The following IL1RAPL2 variants were observed in gnomAD, a reference collection of about 807,000 sequenced individuals.
IL1RAPL2 encodes interleukin 1 receptor accessory protein like 2.
IL1RAPL2 carries 3 observed loss-of-function variants against 44.1 expected under a neutral mutation model. The ratio of observed to expected loss-of-function variants is 0.07; its 90% CI spans 0.03 to 0.18. The LOEUF is 0.18. Among genes scored for constraint, IL1RAPL2 ranks in the 10% least tolerant of loss-of-function variants. The pLI, the probability that IL1RAPL2 is intolerant of heterozygous loss-of-function variation, is 1.00. For missense variants in IL1RAPL2, 391 were observed against 496.4 expected, an observed-to-expected ratio of 0.79 and a Z score of 2.02; for synonymous variants, 181 against 178.8, an observed-to-expected ratio of 1.01 and a Z score of -0.10.
chrX:104,847,262 C>T (rs1262196099), intron 2 of IL1RAPL2, among the ~76,000 whole-genome samples: 1 of 111,783 alleles, frequency 8.9e-6, no homozygotes, highest in East Asian at 2.8e-4. Context: ...TCATGAAGTC[C>T]TTGCCCATGC....
chrX:105,750,650 T>G (rs2038589739), intron 9 of IL1RAPL2, among the ~76,000 whole-genome samples: 1 of 107,497 alleles, frequency 9.3e-6, no homozygotes, highest in Non-Finnish European at 1.9e-5. Flanking sequence ...ATTTGCTCAT[T>G]TTCAAATCTA....
chrX:105,701,460 A>AT (rs1227848745), intron 6 of IL1RAPL2, among the ~76,000 whole-genome samples: 1 of 111,547 alleles, frequency 9.0e-6, no homozygotes, highest in Non-Finnish European at 1.9e-5. Context: ...ATATTGCGAC[A>AT]TTGAATTCCT....
rs1301603784 is a variant in IL1RAPL2 at position 104,984,978 on chromosome X, T to C, written c.83-210497T>C. On this transcript the variant is annotated intron_variant, in intron 2 of 10. Transcript: ENST00000372582. Reference sequence around the variant, plus strand: ...CATGGTATTAAAAAGCAAATTCACTTAGCTGTTCTTCCTTTATGTTTATAA... The same window carrying C: ...CATGGTATTAAAAAGCAAATTCACTCAGCTGTTCTTCCTTTATGTTTATAA... 4.4e-5 allele frequency among the ~76,000 whole-genome samples: 5 copies of C among 112,585 alleles called. No homozygotes were observed. The East Asian group carries it at 1.4e-3, about 32-fold the overall frequency.
chrX:105,479,697 C>A (rs1390706756), intron 5 of IL1RAPL2, among the ~76,000 whole-genome samples: 1 of 109,057 alleles, frequency 9.2e-6, no homozygotes, highest in South Asian at 4.0e-4. Flanking sequence ...TGAGATTCTG[C>A]CATTGCACTC....
At chrX:105,080,490 G>A (rs1222464100) in intron 2 of IL1RAPL2, among the ~76,000 whole-genome samples, 1 of 111,906 alleles carries the variant, frequency 8.9e-6, no homozygotes, top group Non-Finnish European at 1.9e-5. Context: ...TTTCCCCATT[G>A]CTTGTTTTTG....
rs150336135 is a variant in IL1RAPL2 at position 105,276,459 on chromosome X, G to A, written c.697+8918G>A. Among the ~76,000 whole-genome samples, 895 of 112,101 alleles carry A rather than the reference G, an allele frequency of 8.0e-3. 9 individuals are homozygous for A. The highest frequency in any genetic ancestry group is 0.027 in the African/African-American group (845 of 30,874). On this transcript the variant is annotated intron_variant, in intron 5 of 10. Coordinates refer to ENST00000372582, the MANE Select transcript of IL1RAPL2 (RefSeq NM_017416.2). ...TCAAATGCTTCCAGCAGCCAGGCAG[G>A]TCATGTCCACAGTGTGAGGTGGACC...
chrX:104,849,993 G>T (rs1386472090), intron 2 of IL1RAPL2, among the ~76,000 whole-genome samples: 2 of 110,634 alleles, frequency 1.8e-5, no homozygotes, highest in Non-Finnish European at 1.9e-5. Flanking sequence ...ATACACAAAA[G>T]ATCCTATAGG....
At chrX:105,013,178 G>A (rs965134198) in intron 2 of IL1RAPL2, among the ~76,000 whole-genome samples, 12 of 111,067 alleles carry the variant, frequency 1.1e-4, no homozygotes, top group African/African-American at 2.9e-4. Flanking sequence ...AGAGAAGAGA[G>A]TATATGTGTG....
chrX:104,780,623 G>A (rs1932765881), intron 2 of IL1RAPL2, among the ~76,000 whole-genome samples: 1 of 111,691 alleles, frequency 9.0e-6, no homozygotes, highest in Admixed American at 9.6e-5. Context: ...TTTCTATAGA[G>A]CATTGGAAAT....
chrX:105,335,772 G>A, intron 5 of IL1RAPL2, among the ~76,000 whole-genome samples: 1 of 111,279 alleles, frequency 9.0e-6, no homozygotes, highest in Non-Finnish European at 1.9e-5. Context: ...GTAGATGGTG[G>A]TGAAAGGGCT....
chrX:105,693,488 T>G (rs2038052594), intron 6 of IL1RAPL2, among the ~76,000 whole-genome samples: 1 of 112,162 alleles, frequency 8.9e-6, no homozygotes, highest in Non-Finnish European at 1.9e-5. Flanking sequence ...GCCTGTTCCC[T>G]CTTCATCTTC....
chrX:105,486,982 C>T (rs1467724647), intron 6 of IL1RAPL2, among the ~76,000 whole-genome samples: 1 of 106,755 alleles, frequency 9.4e-6, no homozygotes, highest in Non-Finnish European at 1.9e-5. Context: ...TTCCCAGCTA[C>T]TCGGGAGGCT....
chrX:104,743,109 G>T (rs2147579019), intron 2 of IL1RAPL2, among the ~76,000 whole-genome samples: 2 of 110,891 alleles, frequency 1.8e-5, no homozygotes, highest in South Asian at 3.8e-4. Context: ...AGCAGTAGCT[G>T]GTATGCTTCA....
chrX:105,041,772 A>T (rs775954719), intron 2 of IL1RAPL2, among the ~76,000 whole-genome samples: 1 of 109,315 alleles, frequency 9.1e-6, no homozygotes, highest in South Asian at 4.0e-4. Flanking sequence ...TCGCCAAGTC[A>T]ATCCTAAGCC....
At chrX:104,732,211 T>G (rs1931933797) in intron 2 of IL1RAPL2, among the ~76,000 whole-genome samples, 2 of 111,396 alleles carry the variant, frequency 1.8e-5, no homozygotes, top group African/African-American at 6.5e-5. Flanking sequence ...TAACAGAAGC[T>G]GTGTCCACTT....
At chrX:104,753,131 A>T (rs950871456) in intron 2 of IL1RAPL2, among the ~76,000 whole-genome samples, 1 of 91,611 alleles carries the variant, frequency 1.1e-5, no homozygotes, top group Non-Finnish European at 2.3e-5. Flanking sequence ...GAGGCCCCAC[A>T]ATATCTTTTT....
intron 2 of IL1RAPL2, among the ~76,000 whole-genome samples, chrX:104,961,239 A>G (rs1318262988): frequency 9.0e-6 from 1 of 111,408 alleles, no homozygotes; most frequent in Non-Finnish European, 1.9e-5. Context: ...TGACCTGTAG[A>G]CTCAGAAGAA....
At chrX:104,626,859 C>G (rs1047986582) in intron 1 of IL1RAPL2, among the ~76,000 whole-genome samples, 1 of 103,210 alleles carries the variant, frequency 9.7e-6, no homozygotes, top group Non-Finnish European at 2.0e-5. Flanking sequence ...CTCACTCTGT[C>G]TCCCAGGCTG....
At chrX:104,829,568 G>A (rs773235912) in intron 2 of IL1RAPL2, among the ~76,000 whole-genome samples, 2 of 112,470 alleles carry the variant, frequency 1.8e-5, no homozygotes, top group Non-Finnish European at 3.8e-5. Context: ...AGAGCTGTTC[G>A]TATTCGGCCA....
Sources: allele counts gnomAD v4.1 joint callset (sites outside exome capture counted in the v4.1 genomes callset), GRCh38; gene constraint gnomAD v4.1.1; transcripts MANE v1.5; gene names NCBI Gene and HGNC (gene_info 2026-07-23, HGNC 2026-07-21).